The following DMD variants were observed in gnomAD, a reference collection of about 807,000 sequenced individuals.
The protein encoded by DMD is dystrophin, also known as mutant dystrophin.
DMD carries 63 observed loss-of-function variants against 330.1 expected under a neutral mutation model. That is an observed-to-expected ratio of 0.19 (90% CI 0.16 to 0.24). The LOEUF is 0.24. DMD is among the 10% of genes least tolerant of loss of function. DMD has a pLI of 1.00. For missense variants in DMD, 3,344 were observed against 2,684.1 expected, an observed-to-expected ratio of 1.25 and a Z score of -5.43; for synonymous variants, 1,223 against 959.8, an observed-to-expected ratio of 1.27 and a Z score of -5.07.
At chrX:31,702,872 T>A (rs1381344744) in intron 52 of DMD, among the ~76,000 whole-genome samples, 1 of 105,999 alleles carries the variant, frequency 9.4e-6, no homozygotes, top group Non-Finnish European at 1.9e-5. Context: ...TTTTTTTTTT[T>A]AATAGGGAGT....
Position 32,841,848 on chromosome X carries a change from G to A in DMD, c.264+2935C>T, listed in dbSNP as rs753852389. Among the ~76,000 whole-genome samples, 3 of 111,731 alleles carry A rather than the reference G, an allele frequency of 2.7e-5. No individual in the cohort carries two copies. The South Asian group carries it at 1.1e-3, about 42-fold the overall frequency. On this transcript the variant is annotated intron_variant, in intron 4 of 78. Coordinates refer to ENST00000357033, the MANE Select transcript of DMD (RefSeq NM_004006.3). ...TTTAAAGAATAAACTATATCCAAGT[G>A]GAGAACTTGTTTTTATTAATATTAA...
chrX:32,049,849 A>G (rs976569716), intron 44 of DMD, among the ~76,000 whole-genome samples: 7 of 111,349 alleles, frequency 6.3e-5, no homozygotes, highest in African/African-American at 2.3e-4. Context: ...ATTTTTTTTC[A>G]GTAATTTTTG....
At chrX:31,747,454 T>C (rs1319073888) in intron 51 of DMD, among the ~76,000 whole-genome samples, 1 of 111,466 alleles carries the variant, frequency 9.0e-6, no homozygotes, top group Non-Finnish European at 1.9e-5. Context: ...GGACATATTC[T>C]ATGGGGAGGA....
At chrX:32,650,063 T>G (rs2060046113) in intron 9 of DMD, among the ~76,000 whole-genome samples, 1 of 111,145 alleles carries the variant, frequency 9.0e-6, no homozygotes, top group African/African-American at 3.3e-5. Context: ...AAGCATGATT[T>G]GGGCAATTCA....
At chrX:32,453,776 T>A (rs1245005275) in intron 26 of DMD, among the ~76,000 whole-genome samples, 2 of 111,065 alleles carry the variant, frequency 1.8e-5, no homozygotes, top group Non-Finnish European at 3.8e-5. Flanking sequence ...CGAACTAAGT[T>A]TTAAACTCAA....
intron 7 of DMD, among the ~76,000 whole-genome samples, chrX:32,742,769 G>A (rs964479476): frequency 6.2e-5 from 7 of 112,292 alleles, no homozygotes; most frequent in Admixed American, 2.8e-4. Context: ...CTTCCCATAT[G>A]TGTGATATTT....
At chrX:32,185,832 T>G (rs1258896764) in intron 44 of DMD, among the ~76,000 whole-genome samples, 1 of 107,365 alleles carries the variant, frequency 9.3e-6, no homozygotes. Context: ...CAAATTTGTG[T>G]TGTTTATCAT....
At chrX:32,180,107 T>C (rs935051289) in intron 44 of DMD, among the ~76,000 whole-genome samples, 1 of 112,323 alleles carries the variant, frequency 8.9e-6, no homozygotes, top group African/African-American at 3.2e-5. Context: ...GTGCTTAATA[T>C]GAAAACAGAA....
chrX:32,644,405 G>A (rs1377778734), intron 10 of DMD, 92 bp from the exon 11 acceptor site: 3 of 964,662 alleles, frequency 3.1e-6, no homozygotes, highest in Admixed American at 4.7e-5. Flanking sequence ...TAAACTTGTG[G>A]CCCATTTAGA....
chrX:31,572,073 A>T (rs2075851731), intron 55 of DMD, among the ~76,000 whole-genome samples: 1 of 110,658 alleles, frequency 9.0e-6, no homozygotes, highest in Non-Finnish European at 1.9e-5. Context: ...TGTAAAACGG[A>T]CCCCTGTGAC....
At chrX:32,710,357 A>T (rs914944589) in intron 7 of DMD, among the ~76,000 whole-genome samples, 1 of 110,935 alleles carries the variant, frequency 9.0e-6, no homozygotes, top group Admixed American at 9.6e-5. Flanking sequence ...GTATTGCAAG[A>T]AGTTTTTCTT....
At chrX:31,338,341 C>T (rs928275684) in intron 61 of DMD, among the ~76,000 whole-genome samples, 2 of 104,106 alleles carry the variant, frequency 1.9e-5, no homozygotes, top group Non-Finnish European at 3.9e-5. Context: ...AATCCAGGCG[C>T]GGTAGTCCCA....
intron 2 of DMD, among the ~76,000 whole-genome samples, chrX:32,969,875 G>T (rs1358318854): frequency 7.4e-5 from 7 of 94,785 alleles, no homozygotes; most frequent in Admixed American, 7.3e-4. Context: ...CTATTACCTA[G>T]CTACAAAGAA....
intron 2 of DMD, among the ~76,000 whole-genome samples, chrX:33,009,394 GTGTGTA>G (rs1397733447): frequency 1.2e-5 from 1 of 85,234 alleles, no homozygotes; most frequent in African/African-American, 4.8e-5. Flanking sequence ...GTGTATATAT[GTGTGTA>G]TATGTGTATA....
intron 57 of DMD, among the ~76,000 whole-genome samples, chrX:31,486,621 T>TGA (rs2068833044): frequency 9.0e-6 from 1 of 111,647 alleles, no homozygotes; most frequent in Non-Finnish European, 1.9e-5. Flanking sequence ...AGGTAGGAGA[T>TGA]GAGAGGACAC....
At chrX:33,100,948 T>C (rs2095231883) in intron 1 of DMD, among the ~76,000 whole-genome samples, 1 of 111,257 alleles carries the variant, frequency 9.0e-6, no homozygotes, top group African/African-American at 3.3e-5. Flanking sequence ...ATGGATAGGA[T>C]GGTCCCTGTG....
At chrX:31,713,386 A>G (rs2084789706) in intron 52 of DMD, among the ~76,000 whole-genome samples, 1 of 111,639 alleles carries the variant, frequency 9.0e-6, no homozygotes, top group Non-Finnish European at 1.9e-5. Flanking sequence ...TCATGCAGCC[A>G]AATATTTTTC....
intron 34 of DMD, among the ~76,000 whole-genome samples, chrX:32,375,172 C>A (rs770702638): frequency 9.0e-6 from 1 of 111,227 alleles, no homozygotes; most frequent in South Asian, 3.9e-4. Context: ...CTTGACTCTG[C>A]TTTCACAAGG....
In DMD at chrX:32,216,790, T is replaced by C. The variant is rs1338338824; in HGVS notation, c.6438+126A>G. 17 of 595,555 alleles carry C rather than the reference T, an allele frequency of 2.9e-5. No individual in the cohort carries two copies. The Admixed American group carries it at 3.1e-4, about 11-fold the overall frequency. The allele number at this position is 595,555 out of a possible 1,213,427, so 49.1% of individuals were successfully genotyped here. The stretch of plus-strand genomic sequence containing the variant: ...ATTATGATAATTTTCTTTCTAGTAA[T>C]ATAATGATGACAACAACAGTCAAAA... On this transcript the variant is annotated intron_variant, in intron 44 of 78. Coordinates refer to ENST00000357033, the MANE Select transcript of DMD (RefSeq NM_004006.3).
Sources: allele counts gnomAD v4.1 joint callset (sites outside exome capture counted in the v4.1 genomes callset), GRCh38; gene constraint gnomAD v4.1.1; transcripts MANE v1.5; gene names NCBI Gene and HGNC (gene_info 2026-07-23, HGNC 2026-07-21).